Variants in UNC80 observed in about 807,000 individuals in gnomAD.
UNC80 encodes the protein protein unc-80 homolog.
Under a neutral mutation model 384.6 loss-of-function variants are expected in UNC80, and 164 were observed. The ratio of observed to expected loss-of-function variants is 0.43; its 90% confidence interval spans 0.38 to 0.49. The LOEUF (loss-of-function observed/expected upper bound fraction) is 0.49, where lower values mean the gene tolerates loss of function less well. Ranked by LOEUF, UNC80 falls within the 20% of genes least tolerant of loss-of-function variation. The probability of loss-of-function intolerance (pLI) is 0.00; values close to 1 mark genes in which losing one functional copy is unlikely to be tolerated. For synonymous variants in UNC80, 1,486 were observed against 1,527.8 expected (o/e 0.97, Z 0.64); for missense variants, 3,330 against 4,143.0 (o/e 0.80, Z 5.39).
At chr2:209,845,087 TA>T (rs72276428) in intron 21 of UNC80, 27,525 of 135,756 alleles carry the variant, frequency 0.2, 3,400 homozygotes, top group African/African-American at 0.37. Flanking sequence ...ATGCCCTTCT[TA>T]AAAAAAAAAA....
At chr2:209,931,264 C>G (rs2090840519) in intron 38 of UNC80, among the ~76,000 whole-genome samples, 1 of 151,914 alleles carries the variant, frequency 6.6e-6, no homozygotes, top group South Asian at 2.1e-4. Context: ...CTTCCTTTAG[C>G]AATATATAAC....
intron 28 of UNC80, among the ~76,000 whole-genome samples, chr2:209,897,673 G>T (rs1297464290): frequency 6.6e-6 from 1 of 152,050 alleles, no homozygotes; most frequent in Non-Finnish European, 1.5e-5. Context: ...TAAAATGGTC[G>T]CTCCACTAAT....
At chr2:209,883,822 A>G (rs1400195588) in intron 25 of UNC80, among the ~76,000 whole-genome samples, 2 of 152,122 alleles carry the variant, frequency 1.3e-5, no homozygotes, top group East Asian at 3.8e-4. Flanking sequence ...TGACTGTGTT[A>G]TTTCACTTAG....
intron 22 of UNC80, among the ~76,000 whole-genome samples, chr2:209,860,584 G>A (rs2083276562): frequency 6.6e-6 from 1 of 152,172 alleles, no homozygotes; most frequent in Admixed American, 6.5e-5. Context: ...ATTCTGTGAA[G>A]AATGTCAATG....
intron 7 of UNC80, chr2:209,795,584 A>G (rs1175954950): frequency 2.6e-5 from 4 of 152,216 alleles, no homozygotes; most frequent in Non-Finnish European, 5.9e-5. Context: ...AGGAAAAAGC[A>G]GTTTCGTGGG....
intron 50 of UNC80, 58 bp from the exon 51 acceptor site, chr2:209,959,431 C>A (rs2092520212): frequency 1.3e-6 from 2 of 1,493,736 alleles, no homozygotes; most frequent in South Asian, 1.2e-5. Context: ...ACCCTCTTCT[C>A]ACAGCTGCTA....
chr2:209,853,558 C>G (rs1302112538), intron 22 of UNC80, among the ~76,000 whole-genome samples: 1 of 151,818 alleles, frequency 6.6e-6, no homozygotes, highest in East Asian at 1.9e-4. Context: ...GCAGATGCAA[C>G]TGTAAGGCAT....
At chr2:209,799,556 C>G (rs540600346) in intron 7 of UNC80, among the ~76,000 whole-genome samples, 2 of 152,144 alleles carry the variant, frequency 1.3e-5, no homozygotes, top group Non-Finnish European at 1.5e-5. Context: ...ATTTTAATAC[C>G]CTTTATTCCT....
At chr2:209,988,112 T>C (rs1308217146) in intron 61 of UNC80, among the ~76,000 whole-genome samples, 5 of 152,174 alleles carry the variant, frequency 3.3e-5, no homozygotes, top group Admixed American at 1.3e-4. Flanking sequence ...TAATCTTTTA[T>C]TGAGAAAAGG....
chr2:209,807,658 T>G (rs1465038441), intron 7 of UNC80, among the ~76,000 whole-genome samples: 4 of 151,932 alleles, frequency 2.6e-5, no homozygotes, highest in Non-Finnish European at 5.9e-5. Context: ...CCACCACACC[T>G]GGCCTCCCTC....
rs931962251 is a variant in UNC80 at position 209,994,250 on chromosome 2, G to A, written c.9694G>A (p.Val3232Met). ...CATAGTTGTTGCGGATCTCCACAGCGTGTCTCCCAAGCAGGTGAGGGCACT... is the reference window on the plus strand; with the variant it reads ...CATAGTTGTTGCGGATCTCCACAGCATGTCTCCCAAGCAGGTGAGGGCACT... Reference protein sequence around the residue: ...PAIVVADLHSVSPKQSENFPT... With the variant: ...PAIVVADLHSMSPKQSENFPT... Residue 3232 changes from valine (V) to methionine (M), a missense_variant, in exon 64 of 65, where the codon GTG becomes ATG. By Grantham distance (21) the Val-to-Met change is conservative. Around this residue, in one of 8 missense-constraint regions of UNC80, gnomAD observed 236 missense variants for 254.9 expected, o/e 0.93. Coordinates refer to ENST00000673920, the MANE Select transcript of UNC80 (RefSeq NM_001371986.1). The A allele has an allele frequency of 9.7e-6, 15 of 1,550,414 alleles. No homozygotes were observed. Among genetic ancestry groups the A allele is most frequent in the Middle Eastern group, 1.7e-4 (1 of 5,988 alleles).
At chr2:209,892,019 A>C (rs1370603933) in intron 26 of UNC80, among the ~76,000 whole-genome samples, 1 of 152,190 alleles carries the variant, frequency 6.6e-6, no homozygotes, top group Non-Finnish European at 1.5e-5. Flanking sequence ...AATGTATGCA[A>C]AGGGCAAACA....
Position 209,926,949 on chromosome 2 carries a change from G to A in UNC80, c.5769G>A (p.Leu1923=). Residue 1923 remains leucine (L), a synonymous_variant, in exon 36 of 65, where the codon CTG becomes CTA. Coordinates refer to ENST00000673920, the MANE Select transcript of UNC80 (RefSeq NM_001371986.1). ...CAGCAGTACTTCCCATTGTTCATCT[G>A]ATGGAGGATGGTGAGGTGCGGGAAG... The part of the protein sequence containing the change: ...ICAAVLPIVH[L]MEDGEVREDG... 6.4e-7 allele frequency: 1 copy of A among 1,552,138 alleles called. No homozygotes were observed. The highest frequency in any genetic ancestry group is 8.7e-7 in the Non-Finnish European group (1 of 1,147,042).
chr2:209,884,975 C>A (rs1300854206), intron 25 of UNC80, among the ~76,000 whole-genome samples: 1 of 151,816 alleles, frequency 6.6e-6, no homozygotes, highest in African/African-American at 2.4e-5. Context: ...GAGGGGTTGA[C>A]AGGTGCAGCA....
intron 9 of UNC80, 64 bp downstream of exon 9, chr2:209,815,455 A>G (rs1254654873): frequency 2.0e-6 from 3 of 1,503,700 alleles, no homozygotes; most frequent in African/African-American, 2.8e-5. Context: ...GGGACATGAG[A>G]TGTTTCTGAT....
intron 4 of UNC80, among the ~76,000 whole-genome samples, chr2:209,780,210 C>T (rs1313292877): frequency 6.6e-6 from 1 of 152,166 alleles, no homozygotes. Context: ...TTAAGACCCT[C>T]ATGTTTAACT....
intron 40 of UNC80, among the ~76,000 whole-genome samples, chr2:209,936,333 A>G (rs528566977): frequency 6.6e-6 from 1 of 152,328 alleles, no homozygotes; most frequent in African/African-American, 2.4e-5. Context: ...CATTTTCAAC[A>G]GTACTGAGAT....
intron 34 of UNC80, 31 bp from the exon 35 acceptor site, chr2:209,922,221 C>G (rs2090092173): frequency 6.4e-7 from 1 of 1,550,490 alleles, no homozygotes; most frequent in South Asian, 1.2e-5. Flanking sequence ...GTTATAAAGC[C>G]AAAGTTCACA....
chr2:209,825,952 C>T lies in UNC80; in HGVS notation c.2377C>T (p.Leu793Phe), dbSNP rs550911245. The change falls in exon 14 of 65, where the codon CTC (leucine) becomes TTC (phenylalanine). Residue 793 changes from leucine to phenylalanine, a missense_variant. Coordinates refer to ENST00000673920, the MANE Select transcript of UNC80 (RefSeq NM_001371986.1). ...VSNHRLALTM[L>F]IKIVKSLGCA... Reference sequence around the variant, plus strand: ...CAACCATAGGCTTGCTCTAACAATGCTCATCAAAATAGTGAAGTCTTTGGG... The same window carrying T: ...CAACCATAGGCTTGCTCTAACAATGTTCATCAAAATAGTGAAGTCTTTGGG... 1.9e-6 allele frequency: 3 copies of T among 1,550,722 alleles called. No individual in the cohort carries two copies. In the East Asian group the frequency reaches 7.3e-5, roughly 38 times the overall value.
Sources: gnomAD v4.1 joint callset for allele counts (sites outside exome capture counted in the v4.1 genomes callset) on GRCh38, gnomAD v4.1.1 for gene constraint, gnomAD v4.1.1 regional missense constraint, MANE v1.5 for transcripts, NCBI Gene and HGNC (gene_info 2026-07-23, HGNC 2026-07-21) for gene names.